Variants in TVP23C observed in about 807,000 individuals in gnomAD.
TVP23C encodes the protein trans-golgi network vesicle protein 23 homolog C.
Under a neutral mutation model 28.7 loss-of-function variants are expected in TVP23C, and 19 were observed. The observed-to-expected ratio is 0.66, with a 90% confidence interval of 0.46 to 0.97. The LOEUF is 0.97. TVP23C is among the 50% of genes least tolerant of loss of function. TVP23C has a pLI of 0.00. For missense variants in TVP23C, 186 were observed against 241.3 expected, an observed-to-expected ratio of 0.77 and a Z score of 1.52; for synonymous variants, 68 against 81.7, an observed-to-expected ratio of 0.83 and a Z score of 0.90.
chr17:15,524,553 G>A (rs1377294820), intron 5 of TVP23C, among the ~76,000 whole-genome samples: 3 of 152,266 alleles, frequency 2.0e-5, no homozygotes, highest in East Asian at 3.9e-4. Context: ...AATAGGAGGC[G>A]ACGCCATTCT....
chr17:15,524,718 C>T (rs1567634970), intron 5 of TVP23C, among the ~76,000 whole-genome samples: 2 of 152,204 alleles, frequency 1.3e-5, no homozygotes, highest in Non-Finnish European at 2.9e-5. Context: ...GGGATGCACA[C>T]AGTGGCTATA....
intron 5 of TVP23C, among the ~76,000 whole-genome samples, chr17:15,517,321 G>A (rs1377512307): frequency 6.6e-6 from 1 of 152,200 alleles, no homozygotes; most frequent in East Asian, 1.9e-4. Flanking sequence ...GTTTCTTTCA[G>A]GGGGCAGGTG....
At chr17:15,561,275 C>T (rs1423814732) in intron 1 of TVP23C, among the ~76,000 whole-genome samples, 1 of 152,108 alleles carries the variant, frequency 6.6e-6, no homozygotes, top group Non-Finnish European at 1.5e-5. Flanking sequence ...ACTAAGGGCT[C>T]GACTGAGGTT....
chr17:15,507,013 G>C (rs1029654407), intron 5 of TVP23C: 4 of 1,305,196 alleles, frequency 3.1e-6, no homozygotes, highest in South Asian at 1.2e-5. Context: ...TGGTTATAAG[G>C]GTTCCTGCTT....
At chr17:15,513,248 GT>G (rs1477655996) in intron 5 of TVP23C, among the ~76,000 whole-genome samples, 1 of 152,166 alleles carries the variant, frequency 6.6e-6, no homozygotes, top group Non-Finnish European at 1.5e-5. Context: ...ACATTGTGGA[GT>G]TTAAAAACAT....
At position 15,537,135 on chromosome 17, in the gene TVP23C, C is replaced by T. The variant is rs1983188010; in HGVS notation, c.*3277G>A. 1 of 277,602 alleles carries T rather than the reference C, an allele frequency of 3.6e-6. No individual in the cohort carries two copies. The highest frequency in any genetic ancestry group is 6.9e-5 in the Admixed American group (1 of 14,536). 17.2% of individuals were successfully genotyped at this position (277,602 alleles called of 1,614,324 possible). A position where few individuals can be genotyped will look rare whatever the true frequency, so the allele number is the denominator to read the frequency against. On this transcript the variant is annotated 3_prime_UTR_variant, in exon 6 of 6. Coordinates refer to ENST00000518321, the MANE Select transcript of TVP23C (RefSeq NM_001135036.2). ...CAACATAATCTGCTGATTAAGACTTCAACAAAGTTTATAATACCTACAACA... is the reference window on the plus strand; with the variant it reads ...CAACATAATCTGCTGATTAAGACTTTAACAAAGTTTATAATACCTACAACA...
chr17:15,553,653 T>C (rs1247068881), intron 3 of TVP23C, 32 bp downstream of exon 3: 2 of 1,566,286 alleles, frequency 1.3e-6, no homozygotes, highest in Non-Finnish European at 1.7e-6. Context: ...TCATATTAAA[T>C]ATAATTTTAA....
Position 15,545,930 on chromosome 17 carries a change from T to G in TVP23C, c.331-14A>C. The G allele has an allele frequency of 6.3e-7, 1 of 1,595,820 alleles. No homozygotes were observed. ...TTGAGAGGACTCCTATAAAAGAACA[T>G]AAATTCAATTATCATGTTGTGAAAT... On this transcript the variant is annotated splice_polypyrimidine_tract_variant and intron_variant, in intron 4 of 5. Transcript: ENST00000518321.
intron 3 of TVP23C, among the ~76,000 whole-genome samples, chr17:15,551,702 C>A (rs1983899911): frequency 6.6e-6 from 1 of 151,202 alleles, no homozygotes; most frequent in African/African-American, 2.4e-5. Flanking sequence ...TTAAGCTCAT[C>A]AGCTAATGTT....
chr17:15,527,358 AAAAAT>A (rs201797950), intron 5 of TVP23C, among the ~76,000 whole-genome samples: 3,241 of 152,242 alleles, frequency 0.021, 116 homozygotes, highest in African/African-American at 0.072. Flanking sequence ...AAACAAAATA[AAAAAT>A]AAAATGAAAT....
In TVP23C at chr17:15,539,060, T is replaced by C; in HGVS notation, c.*1352A>G. On this transcript the variant is annotated 3_prime_UTR_variant, in exon 6 of 6. Coordinates refer to ENST00000518321, the MANE Select transcript of TVP23C (RefSeq NM_001135036.2). ...GTATAATCTTAAGTAAATAATTTAA[T>C]TTCTCGGGGCTTTAGTTATCTAAAA... 1 of 984,822 alleles carries C rather than the reference T, an allele frequency of 1.0e-6. No homozygotes were observed. 61.0% of individuals were successfully genotyped at this position (984,822 alleles called of 1,614,324 possible). A position where few individuals can be genotyped will look rare whatever the true frequency, so the allele number is the denominator to read the frequency against.
At chr17:15,556,764 G>A (rs1241199408) in intron 1 of TVP23C, among the ~76,000 whole-genome samples, 5 of 152,052 alleles carry the variant, frequency 3.3e-5, no homozygotes, top group South Asian at 2.1e-4. Context: ...CAGCCTCCCT[G>A]CCTTTATCCC....
chr17:15,520,599 A>AGTGGGAGGATAAGTCTGGTTCTT (rs1982433922), intron 5 of TVP23C, among the ~76,000 whole-genome samples: 1 of 151,334 alleles, frequency 6.6e-6, no homozygotes, highest in South Asian at 2.1e-4. Context: ...AGTTACTCAC[A>AGTGGGAGGATAAGTCTGGTTCTT]GTGGGAGGAT....
intron 5 of TVP23C, chr17:15,503,499 C>T (rs1009261833): frequency 1.0e-5 from 3 of 300,146 alleles, no homozygotes; most frequent in Non-Finnish European, 1.2e-5. Flanking sequence ...TGTTGGAACA[C>T]GGTGCAGAAC....
intron 5 of TVP23C, chr17:15,503,306 G>A (rs1488993677): frequency 4.9e-6 from 7 of 1,427,368 alleles, no homozygotes; most frequent in Non-Finnish European, 5.5e-6. Flanking sequence ...TTGACAGGCC[G>A]AGATGGGAGG....
At chr17:15,514,443 T>C (rs1982137289) in intron 5 of TVP23C, among the ~76,000 whole-genome samples, 1 of 152,246 alleles carries the variant, frequency 6.6e-6, no homozygotes, top group South Asian at 2.1e-4. Context: ...TCTGATTTAT[T>C]TACTTGGTTA....
Position 15,537,867 on chromosome 17 carries a change from A to G in TVP23C, c.*2545T>C. The G allele has an allele frequency of 7.4e-7, 1 of 1,350,122 alleles. No individual in the cohort carries two copies. Among genetic ancestry groups the G allele is most frequent in the Non-Finnish European group, 9.5e-7 (1 of 1,053,184 alleles). The allele number at this position is 1,350,122 out of a possible 1,614,324, so 83.6% of individuals were successfully genotyped here. ...ACAGGTATTACATGGCCGTGTGCAT[A>G]CCTATGGAATGTGCATACCTACACC... is the stretch of plus-strand genomic sequence containing the variant. On this transcript the variant is annotated 3_prime_UTR_variant, in exon 6 of 6. Coordinates refer to ENST00000518321, the MANE Select transcript of TVP23C (RefSeq NM_001135036.2).
At chr17:15,544,055 C>G (rs1983538113) in intron 5 of TVP23C, among the ~76,000 whole-genome samples, 1 of 151,778 alleles carries the variant, frequency 6.6e-6, no homozygotes, top group Non-Finnish European at 1.5e-5. Flanking sequence ...ACAAATACAT[C>G]TGGGTTACAT....
chr17:15,520,817 T>C (rs970649596), intron 5 of TVP23C, among the ~76,000 whole-genome samples: 5 of 151,992 alleles, frequency 3.3e-5, no homozygotes, highest in African/African-American at 7.3e-5. Flanking sequence ...AACATGAAGA[T>C]TGGAAATGAA....
Sources: gnomAD v4.1 joint callset for allele counts (sites outside exome capture counted in the v4.1 genomes callset) on GRCh38, gnomAD v4.1.1 for gene constraint, MANE v1.5 for transcripts, NCBI Gene and HGNC (gene_info 2026-07-23, HGNC 2026-07-21) for gene names.